Variants in HDX observed in about 807,000 individuals in gnomAD.
HDX encodes chromosome X open reading frame 43.
In HDX, 19 loss-of-function variants were observed where a neutral mutation model predicts 45.2. That is an observed-to-expected ratio of 0.42 (90% CI 0.29 to 0.62). HDX has a LOEUF of 0.62. Ranked by LOEUF, HDX falls within the 20% of genes least tolerant of loss-of-function variation. The pLI is 0.20. For synonymous variants in HDX, 188 were observed against 172.8 expected (o/e 1.09, Z -0.69); for missense variants, 532 against 493.9 (o/e 1.08, Z -0.73).
chrX:84,379,335 C>T (rs1211890367), intron 5 of HDX, among the ~76,000 whole-genome samples: 3 of 110,173 alleles, frequency 2.7e-5, no homozygotes, highest in East Asian at 2.9e-4. Flanking sequence ...TTTCAGACAG[C>T]AAATCAACAA....
intron 5 of HDX, among the ~76,000 whole-genome samples, chrX:84,416,952 C>G (rs1015667034): frequency 9.2e-6 from 1 of 108,950 alleles, no homozygotes; most frequent in Admixed American, 9.9e-5. Context: ...GTCAGGAATT[C>G]GAGACCAGCC....
intron 5 of HDX, among the ~76,000 whole-genome samples, chrX:84,388,517 T>C (rs765469441): frequency 1.5e-4 from 17 of 112,207 alleles, no homozygotes; most frequent in South Asian, 7.4e-4. Context: ...TTTCTCTTTA[T>C]TTTTTGTCTG....
At chrX:84,410,089 TATC>T (rs1224990253) in intron 5 of HDX, among the ~76,000 whole-genome samples, 1 of 102,878 alleles carries the variant, frequency 9.7e-6, no homozygotes, top group Non-Finnish European at 2.0e-5. Flanking sequence ...AAAAGAATCA[TATC>T]ATCTGCAAAG....
At chrX:84,331,526 G>A (rs1236310087) in intron 9 of HDX, among the ~76,000 whole-genome samples, 5 of 111,417 alleles carry the variant, frequency 4.5e-5, no homozygotes, top group Non-Finnish European at 9.4e-5. Flanking sequence ...TATATGACAG[G>A]CTCTCAACCA....
intron 5 of HDX, among the ~76,000 whole-genome samples, chrX:84,375,785 C>T (rs975837982): frequency 9.1e-6 from 1 of 110,018 alleles, no homozygotes; most frequent in Non-Finnish European, 1.9e-5. Flanking sequence ...AGGAGATATA[C>T]CTAATGCTAA....
intron 8 of HDX, among the ~76,000 whole-genome samples, chrX:84,334,133 C>T (rs1330471322): frequency 1.8e-5 from 2 of 111,292 alleles, no homozygotes; most frequent in Non-Finnish European, 3.8e-5. Flanking sequence ...ACAGCACCCT[C>T]CAGGGACAGG....
At chrX:84,469,678 G>C in intron 3 of HDX, 103 bp from the exon 4 acceptor site, 1 of 663,539 alleles carries the variant, frequency 1.5e-6, no homozygotes, top group Non-Finnish European at 2.2e-6. Flanking sequence ...TTGGAACCAA[G>C]GTGTACATAA....
chrX:84,451,022 G>A (rs185279908), intron 4 of HDX, among the ~76,000 whole-genome samples: 40 of 111,372 alleles, frequency 3.6e-4, no homozygotes, highest in African/African-American at 1.2e-3. Flanking sequence ...ACCAAATATA[G>A]GTACAGCAAA....
At chrX:84,437,918 G>A (rs5028144) in intron 5 of HDX, among the ~76,000 whole-genome samples, 42,747 of 109,937 alleles carry the variant, frequency 0.39, 6,898 homozygotes, top group Middle Eastern at 0.56. Context: ...GGGAGAGAAC[G>A]TCCTGGTCTA....
chrX:84,476,550 A>AG (rs1300249282), intron 2 of HDX, among the ~76,000 whole-genome samples: 1 of 106,406 alleles, frequency 9.4e-6, no homozygotes, highest in Non-Finnish European at 1.9e-5. Context: ...GTCTCAAAAA[A>AG]AAAAAAAAAA....
intron 5 of HDX, among the ~76,000 whole-genome samples, chrX:84,423,886 A>G (rs1471374362): frequency 1.8e-5 from 2 of 111,494 alleles, no homozygotes; most frequent in Non-Finnish European, 1.9e-5. Context: ...GAAAAACCGA[A>G]AGATTTCCTC....
At chrX:84,376,502 T>A (rs1484717308) in intron 5 of HDX, among the ~76,000 whole-genome samples, 3 of 110,669 alleles carry the variant, frequency 2.7e-5, no homozygotes, top group African/African-American at 9.9e-5. Context: ...CAGAGGGGAG[T>A]GCACTTCCCT....
intron 5 of HDX, among the ~76,000 whole-genome samples, chrX:84,437,345 C>A (rs1033415645): frequency 9.1e-6 from 1 of 110,349 alleles, no homozygotes; most frequent in Non-Finnish European, 1.9e-5. Flanking sequence ...GTTGCCTAGT[C>A]TGGACTTGAA....
chrX:84,375,906 A>T (rs1434848035), intron 5 of HDX, among the ~76,000 whole-genome samples: 1 of 112,347 alleles, frequency 8.9e-6, no homozygotes, highest in Non-Finnish European at 1.9e-5. Flanking sequence ...ATAATAAAAT[A>T]AAAAATACAA....
In HDX at chrX:84,336,842, G is replaced by A; in HGVS notation, c.1699C>T (p.His567Tyr). ...NEVVPNDARA[H>Y]KEEDHHAVTT... ...ACTGCATGGTGGTCCTCTTCCTTATGAGCCCTTGCATCATTCGGAACAACT... is the reference window on the plus strand; with the variant it reads ...ACTGCATGGTGGTCCTCTTCCTTATAAGCCCTTGCATCATTCGGAACAACT... Residue 567 changes from histidine (H) to tyrosine (Y), a missense_variant, in exon 8 of 11, where the codon CAT becomes TAT. By Grantham distance (83) the His-to-Tyr change is moderately conservative. Transcript: ENST00000373177. 1 of 1,192,015 alleles carries A rather than the reference G, an allele frequency of 8.4e-7. No homozygotes were observed. Among genetic ancestry groups the A allele is most frequent in the Non-Finnish European group, 1.1e-6 (1 of 881,205 alleles).
At chrX:84,411,874 T>C (rs1443882062) in intron 5 of HDX, among the ~76,000 whole-genome samples, 1 of 111,877 alleles carries the variant, frequency 8.9e-6, no homozygotes, top group Non-Finnish European at 1.9e-5. Flanking sequence ...ACATTTAGGA[T>C]AGGTGGATCT....
chrX:84,489,888 T>G, intron 1 of HDX, among the ~76,000 whole-genome samples: 1 of 111,626 alleles, frequency 9.0e-6, no homozygotes, highest in Admixed American at 9.5e-5. Context: ...CTTAAATGCT[T>G]TGTAGCATTA....
chrX:84,453,143 CTAAT>C (rs1184780115), intron 4 of HDX, among the ~76,000 whole-genome samples: 1 of 112,102 alleles, frequency 8.9e-6, no homozygotes, highest in Non-Finnish European at 1.9e-5. Flanking sequence ...CAAAAATTGG[CTAAT>C]TAGAGAAAGG....
intron 5 of HDX, among the ~76,000 whole-genome samples, chrX:84,406,457 G>T: frequency 1.0e-5 from 1 of 97,892 alleles, no homozygotes; most frequent in South Asian, 5.0e-4. Flanking sequence ...CTAAAACCTG[G>T]ATAATCTCAC....
Sources: gnomAD v4.1 joint callset for allele counts (sites outside exome capture counted in the v4.1 genomes callset) on GRCh38, gnomAD v4.1.1 for gene constraint, MANE v1.5 for transcripts, NCBI Gene and HGNC (gene_info 2026-07-23, HGNC 2026-07-21) for gene names.